Variants in AGPS observed in about 807,000 individuals in gnomAD.
AGPS encodes alkylglycerone phosphate synthase, also known as alkyldihydroxyacetonephosphate synthase, peroxisomal.
AGPS carries 26 observed loss-of-function variants against 90.7 expected under a neutral mutation model. That is an observed-to-expected ratio of 0.29 (90% confidence interval 0.21 to 0.40). AGPS has a LOEUF of 0.40. AGPS is among the 10% of genes least tolerant of loss of function. The pLI is 1.00. For missense variants in AGPS, 540 were observed against 816.1 expected (o/e 0.66, Z 4.12); for synonymous variants, 294 against 285.3 (o/e 1.03, Z -0.31).
intron 19 of AGPS, among the ~76,000 whole-genome samples, chr2:177,536,439 C>G (rs1251249139): frequency 6.6e-6 from 1 of 151,676 alleles, no homozygotes; most frequent in Non-Finnish European, 1.5e-5. Flanking sequence ...TGGAGCAAAT[C>G]TGGAAAAAAC....
Position 177,482,203 on chromosome 2 carries a change from A to G in AGPS, c.1233+17A>G, listed in dbSNP as rs752349627. On this transcript the variant is annotated intron_variant, in intron 11 of 19. Transcript: ENST00000264167. The stretch of plus-strand genomic sequence containing the variant: ...GCAAAACAGGTAAAAGAAAAAATAT[A>G]TATATATACATACATACATATATGT... 2.3e-6 allele frequency: 3 copies of G among 1,312,218 alleles called. No homozygotes were observed. The highest frequency in any genetic ancestry group is 3.0e-5 in the African/African-American group (2 of 67,522). 81.3% of individuals were successfully genotyped at this position (1,312,218 alleles called of 1,614,324 possible).
chr2:177,436,551 G>T (rs1033485592), intron 3 of AGPS, among the ~76,000 whole-genome samples: 3 of 152,036 alleles, frequency 2.0e-5, no homozygotes, highest in Non-Finnish European at 4.4e-5. Context: ...TTAATACTTT[G>T]CTGTCTTCCC....
rs565076309 is a variant in AGPS at position 177,419,775 on chromosome 2, C to A, written c.261-494C>A. Among the ~76,000 whole-genome samples, 3 of 151,906 alleles carry A rather than the reference C, an allele frequency of 2.0e-5. No homozygotes were observed. In the South Asian group the frequency reaches 6.2e-4, roughly 31 times the overall value. On this transcript the variant is annotated intron_variant, in intron 1 of 19. Coordinates refer to ENST00000264167, the MANE Select transcript of AGPS (RefSeq NM_003659.4). ...TGAAGAATTTAGAATGTAAACCCAG[C>A]ACTGAGATTTTTAATCTACTTTATT...
intron 19 of AGPS, among the ~76,000 whole-genome samples, chr2:177,529,552 A>AT (rs750245413): frequency 3.5e-4 from 53 of 152,188 alleles, no homozygotes; most frequent in Non-Finnish European, 6.3e-4. Context: ...TAAATATTGA[A>AT]TAGAGGGTCA....
At chr2:177,484,546 G>A (rs971239941) in intron 11 of AGPS, among the ~76,000 whole-genome samples, 11 of 151,764 alleles carry the variant, frequency 7.2e-5, no homozygotes, top group East Asian at 1.9e-4. Context: ...GGATTTTGCC[G>A]TGTTGGCCAG....
At chr2:177,525,741 G>C (rs2079079768) in intron 19 of AGPS, among the ~76,000 whole-genome samples, 1 of 152,172 alleles carries the variant, frequency 6.6e-6, no homozygotes, top group Non-Finnish European at 1.5e-5. Flanking sequence ...AGTTGGAAAT[G>C]ACCAAATGAC....
At chr2:177,450,773 TAAAAA>T (rs1278246041) in intron 8 of AGPS, among the ~76,000 whole-genome samples, 2 of 151,694 alleles carry the variant, frequency 1.3e-5, no homozygotes, top group African/African-American at 4.8e-5. Context: ...CAGTTTCTGT[TAAAAA>T]AAGAAAAAGT....
chr2:177,525,328 G>T (rs2079073447), intron 19 of AGPS, among the ~76,000 whole-genome samples: 1 of 151,868 alleles, frequency 6.6e-6, no homozygotes, highest in African/African-American at 2.4e-5. Flanking sequence ...AATATTCAGG[G>T]AACTTTAATA....
chr2:177,506,897 A>C (rs199694880), intron 15 of AGPS, among the ~76,000 whole-genome samples: 2,098 of 152,140 alleles, frequency 0.014, 41 homozygotes, highest in African/African-American at 0.046. Context: ...CCTTTTCCCC[A>C]TAATACTGAA....
intron 15 of AGPS, 40 bp downstream of exon 15, chr2:177,505,615 T>G (rs1688685543): frequency 3.3e-6 from 5 of 1,536,434 alleles, no homozygotes; most frequent in Non-Finnish European, 4.5e-6. Context: ...TAATTTATGT[T>G]GCAAACAATA....
At chr2:177,403,719 C>T (rs1025590010) in intron 1 of AGPS, among the ~76,000 whole-genome samples, 4 of 152,186 alleles carry the variant, frequency 2.6e-5, no homozygotes, top group Non-Finnish European at 5.9e-5. Context: ...TGTGAGGTCA[C>T]GCCATAATAA....
intron 19 of AGPS, among the ~76,000 whole-genome samples, chr2:177,527,261 C>A (rs1192101395): frequency 1.3e-5 from 2 of 151,960 alleles, no homozygotes; most frequent in East Asian, 3.9e-4. Context: ...AACCCCATCT[C>A]TACAAAAAAT....
intron 9 of AGPS, among the ~76,000 whole-genome samples, chr2:177,465,620 G>A (rs901398092): frequency 1.5e-4 from 23 of 152,196 alleles, no homozygotes; most frequent in African/African-American, 3.6e-4. Flanking sequence ...GTGGCAGGAC[G>A]GGCAGCTCCA....
intron 19 of AGPS, among the ~76,000 whole-genome samples, chr2:177,528,436 G>C (rs1266037070): frequency 6.6e-6 from 1 of 152,176 alleles, no homozygotes; most frequent in Non-Finnish European, 1.5e-5. Flanking sequence ...TGGCCTTCTT[G>C]CTATTCCTCA....
intron 10 of AGPS, among the ~76,000 whole-genome samples, chr2:177,480,148 C>G (rs1003301229): frequency 6.6e-6 from 1 of 152,112 alleles, no homozygotes; most frequent in African/African-American, 2.4e-5. Flanking sequence ...TCATTGCACT[C>G]CAGCCTGGGC....
chr2:177,442,504 A>T lies in AGPS; in HGVS notation c.789+18A>T. On this transcript the variant is annotated intron_variant, in intron 7 of 19. Transcript: ENST00000264167. The stretch of plus-strand genomic sequence containing the variant: ...CACAAATGGTATTTAATAATTTGAG[A>T]TATATTTAAAACATTTTCTTTATTG... 1 of 1,562,482 alleles carries T rather than the reference A, an allele frequency of 6.4e-7. No homozygotes were observed. The highest frequency in any genetic ancestry group is 8.8e-7 in the Non-Finnish European group (1 of 1,133,702).
intron 10 of AGPS, among the ~76,000 whole-genome samples, chr2:177,476,610 C>T (rs1687788137): frequency 6.6e-6 from 1 of 152,048 alleles, no homozygotes; most frequent in Admixed American, 6.6e-5. Context: ...GGAGAATGTT[C>T]TGTGAGCACT....
chr2:177,413,026 A>G (rs1220218438), intron 1 of AGPS, among the ~76,000 whole-genome samples: 2 of 152,188 alleles, frequency 1.3e-5, no homozygotes, highest in Non-Finnish European at 2.9e-5. Context: ...GCGGCAAACA[A>G]CAGTGGTGGA....
intron 2 of AGPS, among the ~76,000 whole-genome samples, chr2:177,433,549 CT>C (rs1686303694): frequency 6.6e-6 from 1 of 152,082 alleles, no homozygotes; most frequent in Non-Finnish European, 1.5e-5. Flanking sequence ...ATTAATTGTC[CT>C]TTTTCTTGAA....
Sources: gnomAD v4.1 joint callset for allele counts (sites outside exome capture counted in the v4.1 genomes callset) on GRCh38, gnomAD v4.1.1 for gene constraint, MANE v1.5 for transcripts, NCBI Gene and HGNC (gene_info 2026-07-23, HGNC 2026-07-21) for gene names.